Variants in EHBP1 observed in about 807,000 individuals in gnomAD.
EHBP1 encodes EH domain binding protein 1.
A neutral mutation model predicts 144.0 loss-of-function variants in EHBP1; 55 were observed. The observed-to-expected ratio is 0.38, with a 90% CI of 0.31 to 0.48. EHBP1 has a LOEUF of 0.48. EHBP1 is among the 20% of genes least tolerant of loss of function. The pLI is 0.98. For missense variants in EHBP1, 1,200 were observed against 1,364.2 expected, an observed-to-expected ratio of 0.88 and a Z score of 1.90; for synonymous variants, 469 against 472.7, an observed-to-expected ratio of 0.99 and a Z score of 0.10.
At chr2:62,821,071 G>C (rs1013191790) in intron 5 of EHBP1, among the ~76,000 whole-genome samples, 1 of 151,656 alleles carries the variant, frequency 6.6e-6, no homozygotes, top group African/African-American at 2.4e-5. Context: ...TCTTGTAAGA[G>C]ACCTGATAAA....
At chr2:62,768,263 A>T (rs1181331241) in intron 4 of EHBP1, among the ~76,000 whole-genome samples, 2 of 152,198 alleles carry the variant, frequency 1.3e-5, no homozygotes, top group South Asian at 4.1e-4. Flanking sequence ...TAAGATTGAT[A>T]AGCTGCTAGC....
intron 2 of EHBP1, among the ~76,000 whole-genome samples, chr2:62,712,636 T>G (rs929520142): frequency 2.6e-5 from 4 of 151,950 alleles, no homozygotes; most frequent in African/African-American, 9.7e-5. Flanking sequence ...GCAGGAGTGG[T>G]TTTAGTGATG....
At chr2:62,761,235 T>C (rs1406626595) in intron 3 of EHBP1, among the ~76,000 whole-genome samples, 1 of 152,118 alleles carries the variant, frequency 6.6e-6, no homozygotes, top group Middle Eastern at 3.2e-3. Context: ...GACATGGAAA[T>C]AGGGGACTAG....
intron 14 of EHBP1, among the ~76,000 whole-genome samples, chr2:62,976,159 A>G (rs1338452821): frequency 6.6e-6 from 1 of 152,112 alleles, no homozygotes; most frequent in African/African-American, 2.4e-5. Flanking sequence ...TCACTGATTC[A>G]ATTCATTGCA....
At chr2:62,881,889 C>A (rs1405259514) in intron 10 of EHBP1, 1 of 151,988 alleles carries the variant, frequency 6.6e-6, no homozygotes, top group Non-Finnish European at 1.5e-5. Flanking sequence ...ATTCTCATAG[C>A]TGGTAATGTT....
intron 10 of EHBP1, among the ~76,000 whole-genome samples, chr2:62,895,978 T>C (rs891470294): frequency 3.3e-5 from 5 of 152,188 alleles, no homozygotes; most frequent in Non-Finnish European, 5.9e-5. Flanking sequence ...GTTAGGTGTT[T>C]TCTACTACAA....
chr2:62,993,284 T>C (rs2059486425), intron 16 of EHBP1, among the ~76,000 whole-genome samples: 1 of 152,162 alleles, frequency 6.6e-6, no homozygotes, highest in African/African-American at 2.4e-5. Flanking sequence ...GGCTTTTAAA[T>C]GATATGTATC....
intron 5 of EHBP1, among the ~76,000 whole-genome samples, chr2:62,774,866 A>C (rs934657045): frequency 2.0e-5 from 3 of 152,164 alleles, no homozygotes; most frequent in African/African-American, 7.2e-5. Flanking sequence ...AACAAAAAAA[A>C]CCAGATAACA....
intron 5 of EHBP1, among the ~76,000 whole-genome samples, chr2:62,799,780 G>A (rs1459884538): frequency 3.3e-5 from 5 of 152,134 alleles, no homozygotes; most frequent in African/African-American, 1.2e-4. Context: ...AGCAAGTATG[G>A]CACCAGAATA....
intron 5 of EHBP1, among the ~76,000 whole-genome samples, chr2:62,803,084 A>G (rs2044154678): frequency 1.3e-5 from 2 of 152,134 alleles, no homozygotes; most frequent in African/African-American, 4.8e-5. Flanking sequence ...ACAGTGTACA[A>G]TTGCTGTACA....
intron 7 of EHBP1, among the ~76,000 whole-genome samples, chr2:62,836,185 C>G (rs1362894817): frequency 6.6e-6 from 1 of 152,186 alleles, no homozygotes; most frequent in Non-Finnish European, 1.5e-5. Context: ...TCCCTGACCC[C>G]TGACCCCCGA....
intron 19 of EHBP1, among the ~76,000 whole-genome samples, chr2:63,016,276 G>A (rs2060480117): frequency 6.6e-6 from 1 of 152,072 alleles, no homozygotes; most frequent in Non-Finnish European, 1.5e-5. Flanking sequence ...GTTCTGTTTT[G>A]TATATATGTG....
chr2:62,930,493 C>T (rs1462675686), intron 10 of EHBP1, among the ~76,000 whole-genome samples: 3 of 152,092 alleles, frequency 2.0e-5, no homozygotes, highest in Non-Finnish European at 4.4e-5. Flanking sequence ...TTATAAAGAT[C>T]CCAATAATGT....
chr2:62,900,684 G>GTA (rs147278087), intron 10 of EHBP1, among the ~76,000 whole-genome samples: 1,842 of 141,446 alleles, frequency 0.013, 55 homozygotes, highest in African/African-American at 0.033. Flanking sequence ...GTGTGTATGT[G>GTA]TATATATATA....
chr2:62,931,506 A>G (rs369872023), intron 10 of EHBP1, among the ~76,000 whole-genome samples: 1 of 152,196 alleles, frequency 6.6e-6, no homozygotes, highest in East Asian at 1.9e-4. Flanking sequence ...AAATAGAGTT[A>G]CCATATGATT....
chr2:62,797,858 C>T (rs773126976), intron 5 of EHBP1, among the ~76,000 whole-genome samples: 1 of 152,082 alleles, frequency 6.6e-6, no homozygotes, highest in African/African-American at 2.4e-5. Flanking sequence ...GTAATAGTAC[C>T]AGCCTTAACT....
At chr2:62,865,852 G>C (rs1219426206) in intron 9 of EHBP1, among the ~76,000 whole-genome samples, 1 of 152,168 alleles carries the variant, frequency 6.6e-6, no homozygotes, top group Non-Finnish European at 1.5e-5. Flanking sequence ...AGGAGATAGA[G>C]TTTGGACTTG....
chr2:62,713,622 GA>G (rs1190559761), intron 2 of EHBP1, among the ~76,000 whole-genome samples: 1 of 152,190 alleles, frequency 6.6e-6, no homozygotes, highest in Non-Finnish European at 1.5e-5. Context: ...GGCAAGGTAA[GA>G]AAGGTATTGT....
intron 14 of EHBP1, among the ~76,000 whole-genome samples, chr2:62,960,972 C>T (rs2057974071): frequency 6.6e-6 from 1 of 152,162 alleles, no homozygotes. Flanking sequence ...TTCCCATATC[C>T]TGGGACTCTG....
Sources: allele counts gnomAD v4.1 joint callset (sites outside exome capture counted in the v4.1 genomes callset), GRCh38; gene constraint gnomAD v4.1.1; transcripts MANE v1.5; gene names NCBI Gene and HGNC (gene_info 2026-07-23, HGNC 2026-07-21).